The following BUD31 variants were observed in gnomAD, a reference collection of about 807,000 sequenced individuals.
BUD31 encodes BUD31 spliceosome associated protein.
A neutral mutation model predicts 17.9 loss-of-function variants in BUD31; 9 were observed. That is an observed-to-expected ratio of 0.50 (90% CI 0.30 to 0.88). The LOEUF (loss-of-function observed/expected upper bound fraction) is 0.88, where lower values mean the gene tolerates loss of function less well. Among genes scored for constraint, BUD31 ranks in the 40% least tolerant of loss-of-function variants. The pLI is 0.06. For missense variants in BUD31, 148 were observed against 184.5 expected (o/e 0.80, Z 1.15); for synonymous variants, 70 against 64.7 (o/e 1.08, Z -0.39).
chr7:99,416,048 T>TA, intron 3 of BUD31, 90 bp from the exon 4 acceptor site: 1 of 1,554,784 alleles, frequency 6.4e-7, no homozygotes, highest in Non-Finnish European at 8.8e-7. Context: ...TATAAAGTGG[T>TA]ATTTATTCAT....
In BUD31 at chr7:99,417,500, T is replaced by C; in HGVS notation, c.289T>C (p.Tyr97His). 6.2e-7 allele frequency: 1 copy of C among 1,611,774 alleles called. No individual in the cohort carries two copies. The highest frequency in any genetic ancestry group is 8.5e-7 in the Non-Finnish European group (1 of 1,178,512). Residue 97 changes from tyrosine (Y) to histidine (H), a missense_variant, in exon 5 of 6, where the codon TAT (tyrosine) becomes CAT (histidine). Tyr to His is a moderately conservative substitution (Grantham distance 83, BLOSUM62 2). Coordinates refer to ENST00000222969, the MANE Select transcript of BUD31 (RefSeq NM_003910.4). ...NLIAKWKKQGYENLCCLRCIQ... is the reference protein window; with the variant it reads ...NLIAKWKKQGHENLCCLRCIQ... ...GATTGCAAAATGGAAAAAGCAAGGA[T>C]ATGAGAACTTGTGCTGCCTGCGGTG...
chr7:99,417,512 T>C lies in BUD31; in HGVS notation c.301T>C (p.Cys101Arg), dbSNP rs1228847976. 3 of 1,611,700 alleles carry C rather than the reference T, an allele frequency of 1.9e-6. No homozygotes were observed. Among genetic ancestry groups the C allele is most frequent in the Non-Finnish European group, 2.5e-6 (3 of 1,178,312 alleles). ...KWKKQGYENL[C>R]CLRCIQTRDT... ...GAAAAAGCAAGGATATGAGAACTTG[T>C]GCTGCCTGCGGTGCATTCAGACACG... Residue 101 changes from cysteine (C) to arginine (R), a missense_variant, in exon 5 of 6, where the codon TGC becomes CGC. Cys to Arg is a radical substitution (Grantham distance 180). Coordinates refer to ENST00000222969, the MANE Select transcript of BUD31 (RefSeq NM_003910.4).
chr7:99,414,296 C>T (rs1322530966), intron 3 of BUD31, among the ~76,000 whole-genome samples: 2 of 152,140 alleles, frequency 1.3e-5, no homozygotes, highest in East Asian at 1.9e-4. Flanking sequence ...TGCACTACCA[C>T]GCCCGGCTAA....
Position 99,413,040 on chromosome 7 carries a change from A to T in BUD31, c.94+1854A>T, listed in dbSNP as rs112484913. ...CGAGATCTAATGGACTTACCGTTCC[A>T]TGTGGTTGGAGAGGCCTCACCATCA... On this transcript the variant is annotated intron_variant, in intron 3 of 5. Transcript: ENST00000222969. 8.5e-5 allele frequency among the ~76,000 whole-genome samples: 13 copies of T among 152,212 alleles called. 1 individual carries two copies. The highest frequency in any genetic ancestry group is 2.9e-4 in the African/African-American group (12 of 41,538).
chr7:99,417,712 C>G, intron 5 of BUD31, 117 bp downstream of exon 5: 2 of 1,542,790 alleles, frequency 1.3e-6, no homozygotes, highest in Non-Finnish European at 1.7e-6. Flanking sequence ...CCTGGATGTC[C>G]TGCTGGCTCT....
In BUD31 at chr7:99,416,240, A is replaced by C; in HGVS notation, c.197A>C (p.Lys66Thr). ...KTRYIFDLFY[K>T]RKAISRELYE... ...CGCTACATCTTCGACCTCTTTTACAAGCGGAAAGCCATCAGCAGAGGTAAT... is the reference window on the plus strand; with the variant it reads ...CGCTACATCTTCGACCTCTTTTACACGCGGAAAGCCATCAGCAGAGGTAAT... Residue 66 changes from lysine (K) to threonine (T), a missense_variant, in exon 4 of 6, where the codon AAG becomes ACG. Lys to Thr is a moderately conservative substitution (Grantham distance 78). Coordinates refer to ENST00000222969, the MANE Select transcript of BUD31 (RefSeq NM_003910.4). The C allele has an allele frequency of 9.3e-6, 15 of 1,613,878 alleles. No homozygotes were observed. Among genetic ancestry groups the C allele is most frequent in the Non-Finnish European group, 1.3e-5 (15 of 1,179,818 alleles).
chr7:99,419,111 A>G (rs1795674528), intron 5 of BUD31: 1 of 508,450 alleles, frequency 2.0e-6, no homozygotes, highest in Non-Finnish European at 3.6e-6. Flanking sequence ...AACGAGACTC[A>G]TTCACACCGA....
At chr7:99,410,881 C>G (rs975202193) in intron 2 of BUD31, among the ~76,000 whole-genome samples, 183 bp from the exon 3 acceptor site, 1 of 152,190 alleles carries the variant, frequency 6.6e-6, no homozygotes, top group African/African-American at 2.4e-5. Flanking sequence ...AGGTTAAGTA[C>G]CTTTCTGAAG....
intron 4 of BUD31, 79 bp downstream of exon 4, chr7:99,416,339 G>T: frequency 6.6e-7 from 1 of 1,520,660 alleles, no homozygotes; most frequent in East Asian, 2.3e-5. Flanking sequence ...CCTTATTCTC[G>T]CAACCTGTGC....
At chr7:99,417,703 C>G in intron 5 of BUD31, 108 bp downstream of exon 5, 5 of 1,546,516 alleles carry the variant, frequency 3.2e-6, no homozygotes, top group Non-Finnish European at 4.3e-6. Context: ...CGTTTTGTCC[C>G]TGGATGTCCT....
intron 4 of BUD31, 109 bp downstream of exon 4, chr7:99,416,369 C>T: frequency 7.0e-7 from 1 of 1,426,090 alleles, no homozygotes; most frequent in South Asian, 1.4e-5. Context: ...TTTTTCTTAC[C>T]ACGAAAATTA....
chr7:99,415,892 A>G (rs975429612), intron 3 of BUD31, among the ~76,000 whole-genome samples: 1 of 152,164 alleles, frequency 6.6e-6, no homozygotes, highest in African/African-American at 2.4e-5. Flanking sequence ...CTAAGGATTA[A>G]TGATATTCAT....
At chr7:99,412,992 A>C (rs1795250874) in intron 3 of BUD31, among the ~76,000 whole-genome samples, 1 of 152,050 alleles carries the variant, frequency 6.6e-6, no homozygotes, top group Admixed American at 6.5e-5. Flanking sequence ...GACATACCTG[A>C]GACTGGGCAA....
chr7:99,411,304 G>A (rs891711104), intron 3 of BUD31, 118 bp downstream of exon 3: 4 of 705,278 alleles, frequency 5.7e-6, no homozygotes, highest in Non-Finnish European at 9.5e-6. Context: ...ACACTGACAT[G>A]TTGTGTTTGC....
In BUD31 at chr7:99,417,529, T is replaced by C; in HGVS notation, c.318T>C (p.Ile106=). Residue 106 remains isoleucine, a synonymous_variant, in exon 5 of 6, where the codon ATT becomes ATC. Coordinates refer to ENST00000222969, the MANE Select transcript of BUD31 (RefSeq NM_003910.4). ...AGAACTTGTGCTGCCTGCGGTGCAT[T>C]CAGACACGGGACACCAACTTCGGGA... is the stretch of plus-strand genomic sequence containing the variant. The part of the protein sequence containing the change: ...GYENLCCLRC[I]QTRDTNFGTN... The C allele has an allele frequency of 6.2e-7, 1 of 1,611,956 alleles. No homozygotes were observed. The highest frequency in any genetic ancestry group is 2.2e-5 in the East Asian group (1 of 44,864).
In BUD31 at chr7:99,419,445, T is replaced by A. The variant is rs1382197295; in HGVS notation, c.*4T>A. 1 of 1,611,340 alleles carries A rather than the reference T, an allele frequency of 6.2e-7. No homozygotes were observed. Among genetic ancestry groups the A allele is most frequent in the African/African-American group, 1.3e-5 (1 of 74,938 alleles). On this transcript the variant is annotated 3_prime_UTR_variant, in exon 6 of 6. Coordinates refer to ENST00000222969, the MANE Select transcript of BUD31 (RefSeq NM_003910.4). ...CTGTCGTGGCTGCTCTGGCTGAGGCTGGCGCGCTCCACCCTGGACTCTGGA... is the reference window on the plus strand; with the variant it reads ...CTGTCGTGGCTGCTCTGGCTGAGGCAGGCGCGCTCCACCCTGGACTCTGGA...
At chr7:99,410,703 T>C (rs1795148010) in intron 2 of BUD31, among the ~76,000 whole-genome samples, 1 of 152,222 alleles carries the variant, frequency 6.6e-6, no homozygotes, top group South Asian at 2.1e-4. Flanking sequence ...ACATCCAGTA[T>C]AGGGTTAAGC....
chr7:99,412,220 A>C (rs1003317827), intron 3 of BUD31, among the ~76,000 whole-genome samples: 4 of 152,216 alleles, frequency 2.6e-5, no homozygotes, highest in Admixed American at 2.6e-4. Context: ...TGCAGTAATC[A>C]CGGTCATTTT....
intron 3 of BUD31, 29 bp downstream of exon 3, chr7:99,411,215 G>C (rs1350837506): frequency 6.3e-7 from 1 of 1,588,488 alleles, no homozygotes; most frequent in Non-Finnish European, 8.6e-7. Flanking sequence ...GTCTGGGTGG[G>C]CTGGGTCCAA....
Sources: gnomAD v4.1 joint callset for allele counts (sites outside exome capture counted in the v4.1 genomes callset) on GRCh38, gnomAD v4.1.1 for gene constraint, MANE v1.5 for transcripts, NCBI Gene and HGNC (gene_info 2026-07-23, HGNC 2026-07-21) for gene names.